Variants in PTPRD observed in about 807,000 individuals in gnomAD.
The protein encoded by PTPRD is protein tyrosine phosphatase receptor type D, also known as receptor-type tyrosine-protein phosphatase delta.
A neutral mutation model predicts 214.5 loss-of-function variants in PTPRD; 34 were observed. The observed-to-expected ratio is 0.16, with a 90% CI of 0.12 to 0.21. The LOEUF is 0.21. PTPRD is among the 10% of genes least tolerant of loss of function. The probability of loss-of-function intolerance (pLI) is 1.00; values close to 1 mark genes in which losing one functional copy is unlikely to be tolerated. For synonymous variants in PTPRD, 1,128 were observed against 845.7 expected, an observed-to-expected ratio of 1.33 and a Z score of -5.79; for missense variants, 2,545 against 2,398.7, an observed-to-expected ratio of 1.06 and a Z score of -1.27.
chr9:10,182,997 AT>A (rs2099309239), intron 3 of PTPRD, among the ~76,000 whole-genome samples: 1 of 152,140 alleles, frequency 6.6e-6, no homozygotes, highest in Non-Finnish European at 1.5e-5. Context: ...TGGCTAAGTT[AT>A]TTAATCTCTT....
intron 10 of PTPRD, among the ~76,000 whole-genome samples, chr9:9,044,373 A>G (rs1178149523): frequency 1.3e-5 from 2 of 152,240 alleles, no homozygotes; most frequent in African/African-American, 4.8e-5. Flanking sequence ...GCCCATGTTA[A>G]TCTGCTACAA....
chr9:9,079,667 G>A (rs2099756283), intron 10 of PTPRD, among the ~76,000 whole-genome samples: 1 of 152,120 alleles, frequency 6.6e-6, no homozygotes, highest in South Asian at 2.1e-4. Flanking sequence ...TCCTCTGGGA[G>A]GTGACATAAC....
intron 12 of PTPRD, among the ~76,000 whole-genome samples, chr9:8,651,070 G>T (rs1564990555): frequency 6.6e-6 from 1 of 151,730 alleles, no homozygotes; most frequent in Non-Finnish European, 1.5e-5. Context: ...GAAACCAAAC[G>T]GTATTTATTT....
chr9:9,449,219 C>T (rs1411191018), intron 8 of PTPRD, among the ~76,000 whole-genome samples: 1 of 152,028 alleles, frequency 6.6e-6, no homozygotes, highest in Non-Finnish European at 1.5e-5. Context: ...AGAAAAATAA[C>T]TTACCATTTT....
intron 9 of PTPRD, among the ~76,000 whole-genome samples, chr9:9,359,963 T>C (rs963938455): frequency 6.6e-6 from 1 of 151,190 alleles, no homozygotes; most frequent in East Asian, 1.9e-4. Flanking sequence ...TAAGAAAACA[T>C]TTTTATATGT....
At chr9:10,589,934 G>A (rs1017558661) in intron 2 of PTPRD, among the ~76,000 whole-genome samples, 1 of 152,006 alleles carries the variant, frequency 6.6e-6, no homozygotes, top group African/African-American at 2.4e-5. Context: ...AATTTAATTT[G>A]TTATTACTAT....
chr9:10,568,778 G>A (rs1021373432), intron 2 of PTPRD, among the ~76,000 whole-genome samples: 10 of 151,968 alleles, frequency 6.6e-5, no homozygotes, highest in Non-Finnish European at 5.9e-5. Flanking sequence ...AATTCAAGAC[G>A]GATTAAAGAC....
chr9:10,604,441 G>C (rs2078792459), intron 2 of PTPRD, among the ~76,000 whole-genome samples: 1 of 151,632 alleles, frequency 6.6e-6, no homozygotes, highest in Non-Finnish European at 1.5e-5. Flanking sequence ...TGGGAAAATA[G>C]GAAGACTTCA....
chr9:10,250,440 G>C (rs1446910815), intron 3 of PTPRD, among the ~76,000 whole-genome samples: 1 of 152,046 alleles, frequency 6.6e-6, no homozygotes, highest in Non-Finnish European at 1.5e-5. Context: ...AGCCTAGAAA[G>C]TCTTTATAAA....
intron 3 of PTPRD, among the ~76,000 whole-genome samples, chr9:10,180,882 G>T (rs182442601): frequency 2.0e-5 from 3 of 151,946 alleles, no homozygotes; most frequent in East Asian, 1.9e-4. Context: ...TGATGGAAAA[G>T]AAAATCAGAA....
At chr9:10,367,394 C>G (rs915354106) in intron 2 of PTPRD, among the ~76,000 whole-genome samples, 15 of 152,058 alleles carry the variant, frequency 9.9e-5, no homozygotes, top group Admixed American at 8.5e-4. Flanking sequence ...GAGTTCTGCC[C>G]ACTTCCTTGC....
At chr9:9,970,418 A>T (rs1479067392) in intron 4 of PTPRD, among the ~76,000 whole-genome samples, 2,233 of 144,586 alleles carry the variant, frequency 0.015, 29 homozygotes, top group Non-Finnish European at 0.026. Flanking sequence ...GGCGACAGCG[A>T]GACTCCTTCT....
intron 3 of PTPRD, among the ~76,000 whole-genome samples, chr9:10,289,833 A>T (rs1039986638): frequency 6.6e-6 from 1 of 152,230 alleles, no homozygotes; most frequent in Admixed American, 6.5e-5. Context: ...AATAAAGAAT[A>T]GAATAAAATG....
At position 10,279,047 on chromosome 9, in the gene PTPRD, C is replaced by T. The variant is rs184802050; in HGVS notation, c.-545+61916G>A. On this transcript the variant is annotated intron_variant, in intron 3 of 45. Coordinates refer to ENST00000381196, the MANE Select transcript of PTPRD (RefSeq NM_002839.4). ...CCTTGGCCTCCCAAAGTGCTGGGCT[C>T]ACAGGCCTGAGCCACCGCGCCTGGC... Among the ~76,000 whole-genome samples, 827 of 152,130 alleles carry T rather than the reference C, an allele frequency of 5.4e-3. 6 individuals are homozygous for T. The highest frequency in any genetic ancestry group is 0.016 in the African/African-American group (644 of 41,516).
chr9:8,440,074 T>TG (rs2095496916), intron 34 of PTPRD, among the ~76,000 whole-genome samples: 1 of 151,194 alleles, frequency 6.6e-6, no homozygotes, highest in African/African-American at 2.4e-5. Flanking sequence ...GGATTCATGA[T>TG]GGGGGGCCTA....
intron 7 of PTPRD, among the ~76,000 whole-genome samples, chr9:9,662,752 A>G (rs917709000): frequency 6.6e-6 from 1 of 151,626 alleles, no homozygotes; most frequent in African/African-American, 2.4e-5. Flanking sequence ...AGAATTACAT[A>G]AATTAATCCA....
intron 5 of PTPRD, among the ~76,000 whole-genome samples, chr9:9,783,378 A>G (rs2098878551): frequency 6.6e-6 from 1 of 152,134 alleles, no homozygotes; most frequent in Admixed American, 6.5e-5. Flanking sequence ...TCTTTTCATT[A>G]GACTTCTCTT....
At chr9:10,133,708 T>A (rs1302161454) in intron 3 of PTPRD, among the ~76,000 whole-genome samples, 1 of 152,266 alleles carries the variant, frequency 6.6e-6, no homozygotes, top group African/African-American at 2.4e-5. Context: ...GTAACAAAGT[T>A]AATTAGTATG....
At chr9:10,533,140 T>C (rs892027518) in intron 2 of PTPRD, among the ~76,000 whole-genome samples, 2 of 152,084 alleles carry the variant, frequency 1.3e-5, no homozygotes, top group African/African-American at 4.8e-5. Context: ...ACATGATCTC[T>C]TTGCATACAC....
Sources: gnomAD v4.1 joint callset for allele counts (sites outside exome capture counted in the v4.1 genomes callset) on GRCh38, gnomAD v4.1.1 for gene constraint, MANE v1.5 for transcripts, NCBI Gene and HGNC (gene_info 2026-07-23, HGNC 2026-07-21) for gene names.